The following RANBP17 variants were observed in gnomAD, a reference collection of about 807,000 sequenced individuals.
RANBP17 encodes RAN binding protein 17, also known as ran-binding protein 17.
A neutral mutation model predicts 141.2 loss-of-function variants in RANBP17; 158 were observed. That is an observed-to-expected ratio of 1.12 (90% confidence interval 0.98 to 1.28). The LOEUF is 1.28. Ranked by LOEUF, RANBP17 falls within the 50% of genes most tolerant of loss-of-function variation. The pLI, the probability that RANBP17 is intolerant of heterozygous loss-of-function variation, is 0.00. For missense variants in RANBP17, 1,438 were observed against 1,290.7 expected, an observed-to-expected ratio of 1.11 and a Z score of -1.75; for synonymous variants, 430 against 450.0, an observed-to-expected ratio of 0.96 and a Z score of 0.56.
rs1755321779 is a variant in RANBP17 at position 171,112,618 on chromosome 5, G to A, written c.1711-57512G>A. Among the ~76,000 whole-genome samples, 2 of 151,930 alleles carry A rather than the reference G, an allele frequency of 1.3e-5. 1 individual carries two copies. The highest frequency in any genetic ancestry group is 4.2e-4 in the South Asian group (2 of 4,818). ...GATTGACGGATCTGGTAAAGGAACAGCAGAACAAGAGGTGATTTTGTCTTA... is the reference window on the plus strand; with the variant it reads ...GATTGACGGATCTGGTAAAGGAACAACAGAACAAGAGGTGATTTTGTCTTA... On this transcript the variant is annotated intron_variant, in intron 14 of 27. Coordinates refer to ENST00000523189, the MANE Select transcript of RANBP17 (RefSeq NM_022897.5).
intron 7 of RANBP17, among the ~76,000 whole-genome samples, chr5:170,913,750 C>T (rs1040064211): frequency 3.9e-5 from 5 of 128,486 alleles, no homozygotes; most frequent in Admixed American, 8.5e-5. Flanking sequence ...AAATAGTATA[C>T]GCTATTATTT....
chr5:171,137,877 C>A (rs1757421875), intron 14 of RANBP17, among the ~76,000 whole-genome samples: 1 of 150,746 alleles, frequency 6.6e-6, no homozygotes, highest in Non-Finnish European at 1.5e-5. Context: ...TATATGTCAC[C>A]CCAAATACTG....
intron 25 of RANBP17, among the ~76,000 whole-genome samples, chr5:171,293,541 T>C (rs545164562): frequency 6.6e-6 from 1 of 152,322 alleles, no homozygotes; most frequent in Non-Finnish European, 1.5e-5. Context: ...GAAGGTGAGC[T>C]GAGCTTTTGC....
chr5:170,935,097 T>C (rs1356482143), intron 12 of RANBP17, among the ~76,000 whole-genome samples: 2 of 152,142 alleles, frequency 1.3e-5, no homozygotes, highest in Non-Finnish European at 2.9e-5. Context: ...TTTGATCAAA[T>C]CTACTGAAGC....
intron 22 of RANBP17, among the ~76,000 whole-genome samples, chr5:171,226,765 T>G (rs901424961): frequency 6.6e-6 from 1 of 152,152 alleles, no homozygotes; most frequent in African/African-American, 2.4e-5. Context: ...CTGTTAGGAC[T>G]TTTTTTAAAA....
chr5:171,156,229 A>G (rs867535502), intron 14 of RANBP17, among the ~76,000 whole-genome samples: 1 of 152,132 alleles, frequency 6.6e-6, no homozygotes, highest in African/African-American at 2.4e-5. Flanking sequence ...GTTACATTCC[A>G]GTGATCTTAC....
intron 14 of RANBP17, among the ~76,000 whole-genome samples, chr5:171,146,439 AG>A (rs1758034241): frequency 6.6e-6 from 1 of 152,230 alleles, no homozygotes; most frequent in African/African-American, 2.4e-5. Flanking sequence ...CATTTCACAG[AG>A]GAGACCTTAG....
At chr5:171,277,878 A>G (rs998903569) in intron 25 of RANBP17, among the ~76,000 whole-genome samples, 4 of 143,020 alleles carry the variant, frequency 2.8e-5, no homozygotes, top group Non-Finnish European at 4.6e-5. Flanking sequence ...GAAGAGCCAT[A>G]CAGCATTCTT....
intron 14 of RANBP17, among the ~76,000 whole-genome samples, chr5:171,048,227 CTT>C: frequency 6.6e-6 from 1 of 152,134 alleles, no homozygotes; most frequent in Admixed American, 6.5e-5. Flanking sequence ...ACCCAACTAA[CTT>C]TTTTATTTTT....
chr5:170,945,109 T>C (rs1216913602), intron 12 of RANBP17, among the ~76,000 whole-genome samples: 2 of 152,152 alleles, frequency 1.3e-5, no homozygotes, highest in Non-Finnish European at 2.9e-5. Flanking sequence ...ACAGCAGATG[T>C]TTTTCTGGAA....
chr5:171,012,100 T>C (rs1780096619), intron 14 of RANBP17, among the ~76,000 whole-genome samples: 1 of 151,698 alleles, frequency 6.6e-6, no homozygotes, highest in Non-Finnish European at 1.5e-5. Context: ...TTTAAACAAA[T>C]AATACATTTG....
chr5:171,156,213 T>G lies in RANBP17; in HGVS notation c.1711-13917T>G, dbSNP rs145001842. Among the ~76,000 whole-genome samples the G allele has an allele frequency of 7.5e-3, 1,139 of 152,218 alleles. 13 individuals carry two copies. Among genetic ancestry groups the G allele is most frequent in the African/African-American group, 0.026 (1,077 of 41,578 alleles). ...TTCATTAAGAATCAGAATTGGCACA[T>G]TCTGGGTTACATTCCAGTGATCTTA... On this transcript the variant is annotated intron_variant, in intron 14 of 27. Transcript: ENST00000523189.
chr5:171,007,067 G>T (rs1312193398), intron 14 of RANBP17, among the ~76,000 whole-genome samples: 1 of 152,086 alleles, frequency 6.6e-6, no homozygotes, highest in Middle Eastern at 3.2e-3. Context: ...GTGAGATTGG[G>T]CTAGAGAAAA....
chr5:170,939,446 G>A (rs2339182), intron 12 of RANBP17, among the ~76,000 whole-genome samples: 92,781 of 151,422 alleles, frequency 0.61, 29,786 homozygotes, highest in South Asian at 0.88. Flanking sequence ...GTGCAGTGGC[G>A]TGATCTCAGT....
chr5:170,893,830 T>C (rs1341767495), intron 4 of RANBP17, among the ~76,000 whole-genome samples: 1 of 152,060 alleles, frequency 6.6e-6, no homozygotes, highest in Non-Finnish European at 1.5e-5. Context: ...TCTGTTAGTA[T>C]TCTTGAGGAA....
rs574466782 is a variant in RANBP17 at position 171,173,912 on chromosome 5, G to A, written c.1865+2626G>A. Among the ~76,000 whole-genome samples the A allele has an allele frequency of 5.9e-5, 9 of 152,172 alleles. No homozygotes were observed. The South Asian group carries it at 1.9e-3, about 32-fold the overall frequency. ...TGTATGTCCTGAGCAGAAAAGTCTG[G>A]TACTTCCCTCACAGACACTTTTTCA... On this transcript the variant is annotated intron_variant, in intron 16 of 27. Transcript: ENST00000523189.
chr5:170,964,815 G>A (rs1178369158), intron 13 of RANBP17, among the ~76,000 whole-genome samples: 1 of 152,144 alleles, frequency 6.6e-6, no homozygotes, highest in African/African-American at 2.4e-5. Flanking sequence ...CATTTGGGTT[G>A]GTTCCAAGTC....
intron 14 of RANBP17, among the ~76,000 whole-genome samples, chr5:171,144,699 A>G (rs889666644): frequency 1.3e-5 from 2 of 152,212 alleles, no homozygotes; most frequent in African/African-American, 4.8e-5. Context: ...AGGACCTTTT[A>G]AAACTGAGTG....
Position 171,276,316 on chromosome 5 carries a change from G to T in RANBP17, c.2943+10469G>T, listed in dbSNP as rs1581168556. Among the ~76,000 whole-genome samples the T allele has an allele frequency of 3.9e-5, 6 of 152,224 alleles. No homozygotes were observed. In the South Asian group the frequency reaches 1.2e-3, roughly 32 times the overall value. On this transcript the variant is annotated intron_variant, in intron 25 of 27. Transcript: ENST00000523189. ...ATATTAAATAGAAAGCATTTCAGGG[G>T]TAATTAAATGAAAACAGAATGATGT...
Sources: allele counts gnomAD v4.1 joint callset (sites outside exome capture counted in the v4.1 genomes callset), GRCh38; gene constraint gnomAD v4.1.1; transcripts MANE v1.5; gene names NCBI Gene and HGNC (gene_info 2026-07-23, HGNC 2026-07-21).